FOLR1: variants seen among roughly 807,000 people sequenced by gnomAD.
The protein encoded by FOLR1 is KB cells FBP.
A neutral mutation model predicts 22.8 loss-of-function variants in FOLR1; 11 were observed. That is an observed-to-expected ratio of 0.48 (90% confidence interval 0.30 to 0.80). The LOEUF is 0.80. Among genes scored for constraint, FOLR1 ranks in the 30% least tolerant of loss-of-function variants. The pLI is 0.06. For missense variants in FOLR1, 273 were observed against 320.3 expected, an observed-to-expected ratio of 0.85 and a Z score of 1.13; for synonymous variants, 108 against 116.5, an observed-to-expected ratio of 0.93 and a Z score of 0.47.
intron 1 of FOLR1, among the ~76,000 whole-genome samples, chr11:72,194,060 G>A (rs1408537105): frequency 6.6e-6 from 1 of 152,078 alleles, no homozygotes; most frequent in Non-Finnish European, 1.5e-5. Flanking sequence ...TGGGATTACA[G>A]GCACTATGTG....
chr11:72,192,243 A>G lies in FOLR1; in HGVS notation c.70A>G (p.Thr24Ala). 1 of 1,614,182 alleles carries G rather than the reference A, an allele frequency of 6.2e-7. No individual in the cohort carries two copies. The highest frequency in any genetic ancestry group is 8.5e-7 in the Non-Finnish European group (1 of 1,180,018). ...VWVAVVGEAQ[T>A]RIAWARTELL... ...GGTGGCTGTAGTAGGGGAGGCTCAG[A>G]CAAGGATTGCATGGGCCAGGACTGA... Residue 24 changes from threonine (T) to alanine (A), a missense_variant, in exon 1 of 4, where the codon ACA (threonine) becomes GCA (alanine). By Grantham distance (58) the Thr-to-Ala change is moderately conservative. Transcript: ENST00000393676.
intron 2 of FOLR1, 59 bp downstream of exon 2, chr11:72,195,518 C>G: frequency 6.2e-7 from 1 of 1,612,858 alleles, no homozygotes. Flanking sequence ...TTCCAGGCAT[C>G]TCTGCAGGCT....
chr11:72,192,311 G>A lies in FOLR1; in HGVS notation c.138G>A (p.Lys46=), dbSNP rs752262458. ...VCMNAKHHKE[K]PGPEDKLHEQ... is the part of the protein sequence containing the mutation. ...TGAACGCCAAGCACCACAAGGAAAA[G>A]CCAGGCCCCGAGGACAAGTTGCATG... The change falls in exon 1 of 4, where the codon AAG becomes AAA. Residue 46 remains lysine, a synonymous_variant. Coordinates refer to ENST00000393676, the MANE Select transcript of FOLR1 (RefSeq NM_016729.3). 1.2e-6 allele frequency: 2 copies of A among 1,614,130 alleles called. No individual in the cohort carries two copies. Among genetic ancestry groups the A allele is most frequent in the Non-Finnish European group, 1.7e-6 (2 of 1,180,032 alleles).
At chr11:72,193,433 C>T (rs1310832460) in intron 1 of FOLR1, among the ~76,000 whole-genome samples, 1 of 151,582 alleles carries the variant, frequency 6.6e-6, no homozygotes, top group Non-Finnish European at 1.5e-5. Context: ...GGGAGAGAAA[C>T]TTGTAATACG....
rs1247646105 is a variant in FOLR1 at position 72,195,918 on chromosome 11, G to T, written c.515G>T (p.Gly172Val). 4 of 1,614,198 alleles carry T rather than the reference G, an allele frequency of 2.5e-6. No individual in the cohort carries two copies. Among genetic ancestry groups the T allele is most frequent in the Non-Finnish European group, 3.4e-6 (4 of 1,180,036 alleles). Residue 172 changes from glycine to valine, a missense_variant, in exon 4 of 4, where the codon GGA becomes GTA. Coordinates refer to ENST00000393676, the MANE Select transcript of FOLR1 (RefSeq NM_016729.3). ...WTSGFNKCAV[G>V]AACQPFHFYF... ...ACAGGGTTTAACAAGTGCGCAGTGG[G>T]AGCTGCCTGCCAACCTTTCCATTTC... is the stretch of plus-strand genomic sequence containing the variant.
chr11:72,193,527 A>G (rs1444571774), intron 1 of FOLR1, among the ~76,000 whole-genome samples: 2 of 151,364 alleles, frequency 1.3e-5, no homozygotes, highest in Non-Finnish European at 2.9e-5. Flanking sequence ...GCTCACTGCA[A>G]CCTCCACCTC....
intron 1 of FOLR1, among the ~76,000 whole-genome samples, chr11:72,193,625 G>A (rs1406486131): frequency 6.7e-6 from 1 of 148,508 alleles, no homozygotes; most frequent in African/African-American, 2.5e-5. Flanking sequence ...TGTTTGTTTT[G>A]TTTGTTGGTA....
upstream of FOLR1, chr11:72,192,053 G>A: frequency 1.9e-6 from 2 of 1,067,970 alleles, no homozygotes; most frequent in Admixed American, 1.8e-5. Context: ...ATGGGGGCAG[G>A]GCTCTATCTG....
In FOLR1 at chr11:72,196,260, C is replaced by T. The variant is rs1948234840; in HGVS notation, c.*83C>T. On this transcript the variant is annotated 3_prime_UTR_variant, in exon 4 of 4. Transcript: ENST00000393676. ...AACTATTTGGTTCCTGCTCCATGGT[C>T]GGGCCTCTGACAGCCACTTTGAATA... 10 of 1,483,304 alleles carry T rather than the reference C, an allele frequency of 6.7e-6. No homozygotes were observed. The highest frequency in any genetic ancestry group is 1.4e-5 in the African/African-American group (1 of 72,444). 91.9% of individuals were successfully genotyped at this position (1,483,304 alleles called of 1,614,324 possible).
rs997891200 is a variant in FOLR1 at position 72,195,431 on chromosome 11, C to T, written c.329C>T (p.Ser110Phe). ...FIQDTCLYECSPNLGPWIQQV... is the reference protein window; with the variant it reads ...FIQDTCLYECFPNLGPWIQQV... The stretch of plus-strand genomic sequence containing the variant: ...CAGGACACCTGCCTCTACGAGTGCT[C>T]CCCCAACTTGGGGCCCTGGATCCAG... Residue 110 changes from serine (S) to phenylalanine (F), a missense_variant, in exon 2 of 4, where the codon TCC becomes TTC. Ser to Phe is a radical substitution (Grantham distance 155). Transcript: ENST00000393676. 10 of 1,614,234 alleles carry T rather than the reference C, an allele frequency of 6.2e-6. No individual in the cohort carries two copies. Among genetic ancestry groups the T allele is most frequent in the African/African-American group, 1.3e-5 (1 of 75,070 alleles).
upstream of FOLR1, chr11:72,192,089 C>T (rs1948163243): frequency 2.0e-6 from 3 of 1,499,164 alleles, no homozygotes; most frequent in Non-Finnish European, 1.9e-6. Context: ...CAGGCCCCAC[C>T]CTCCTGGAGC....
chr11:72,189,850 C>G (rs1413759402), upstream of FOLR1: 1 of 152,352 alleles, frequency 6.6e-6, no homozygotes, highest in East Asian at 1.9e-4. Flanking sequence ...GAAGGGCCCT[C>G]TGTTTGCCTG....
intron 1 of FOLR1, 53 bp downstream of exon 1, chr11:72,192,394 C>T (rs956586677): frequency 2.2e-5 from 35 of 1,600,640 alleles, no homozygotes; most frequent in Admixed American, 1.2e-4. Flanking sequence ...GAAGAGGAAA[C>T]GAGGACATGG....
chr11:72,189,990 G>C (rs190961412), upstream of FOLR1, among the ~76,000 whole-genome samples: 2 of 151,944 alleles, frequency 1.3e-5, no homozygotes, highest in Non-Finnish European at 2.9e-5. Flanking sequence ...CCAGAGCTGA[G>C]TTCTCAGCTC....
rs1383441586 is a variant in FOLR1, at chr11:72,195,432, C to G, written c.330C>G (p.Ser110=). The G allele has an allele frequency of 3.1e-6, 5 of 1,614,122 alleles. No individual in the cohort carries two copies. Among genetic ancestry groups the G allele is most frequent in the Non-Finnish European group, 4.2e-6 (5 of 1,180,058 alleles). Residue 110 remains serine, a synonymous_variant, in exon 2 of 4, where the codon TCC becomes TCG. Coordinates refer to ENST00000393676, the MANE Select transcript of FOLR1 (RefSeq NM_016729.3). Reference sequence around the variant, plus strand: ...AGGACACCTGCCTCTACGAGTGCTCCCCCAACTTGGGGCCCTGGATCCAGC... The same window carrying G: ...AGGACACCTGCCTCTACGAGTGCTCGCCCAACTTGGGGCCCTGGATCCAGC... ...FIQDTCLYEC[S]PNLGPWIQQV...
chr11:72,195,214 T>TCTGGATGTG, intron 1 of FOLR1, 57 bp from the exon 2 acceptor site: 2 of 1,519,292 alleles, frequency 1.3e-6, no homozygotes, highest in Non-Finnish European at 1.8e-6. Flanking sequence ...TGTGGAATAT[T>TCTGGATGTG]CTGGCTGTGC....
chr11:72,192,398 G>A, intron 1 of FOLR1, 57 bp downstream of exon 1: 2 of 1,598,878 alleles, frequency 1.3e-6, no homozygotes, highest in Non-Finnish European at 1.7e-6. Flanking sequence ...AGGAAACGAG[G>A]ACATGGAAAT....
chr11:72,195,323 C>A lies in FOLR1; in HGVS notation c.221C>A (p.Ala74Asp). 1 of 1,614,200 alleles carries A rather than the reference C, an allele frequency of 6.2e-7. No homozygotes were observed. The highest frequency in any genetic ancestry group is 8.5e-7 in the Non-Finnish European group (1 of 1,180,044). ...TGTTCTACCAACACCAGCCAGGAAG[C>A]CCATAAGGATGTTTCCTACCTATAT... ...ACCSTNTSQE[A>D]HKDVSYLYRF... Residue 74 changes from alanine to aspartate, a missense_variant, in exon 2 of 4, where the codon GCC becomes GAC. Ala to Asp is a moderately radical substitution (Grantham distance 126). Transcript: ENST00000393676.
At chr11:72,191,365 C>CTT (rs5792581), upstream of FOLR1, among the ~76,000 whole-genome samples, 2 of 145,158 alleles carry the variant, frequency 1.4e-5, no homozygotes, top group African/African-American at 2.5e-5. Flanking sequence ...TTTTTATAAA[C>CTT]TTTTTTTTTT....
Sources: gnomAD v4.1 joint callset for allele counts (sites outside exome capture counted in the v4.1 genomes callset) on GRCh38, gnomAD v4.1.1 for gene constraint, MANE v1.5 for transcripts, NCBI Gene and HGNC (gene_info 2026-07-23, HGNC 2026-07-21) for gene names.